The following BRD8 variants were observed in gnomAD, a reference collection of about 807,000 sequenced individuals.
BRD8 encodes the protein bromodomain containing 8, also known as bromodomain-containing protein 8.
In BRD8, 67 loss-of-function variants were observed where a neutral mutation model predicts 143.1. The observed-to-expected ratio is 0.47, with a 90% CI of 0.38 to 0.57. The LOEUF is 0.57. Ranked by LOEUF, BRD8 falls within the 20% of genes least tolerant of loss-of-function variation. The probability of loss-of-function intolerance (pLI) is 0.00; values close to 1 mark genes in which losing one functional copy is unlikely to be tolerated. For synonymous variants in BRD8, 505 were observed against 517.1 expected (o/e 0.98, Z 0.32); for missense variants, 1,103 against 1,503.0 (o/e 0.73, Z 4.40).
At chr5:138,174,089 C>T (rs1754110332) in intron 2 of BRD8, among the ~76,000 whole-genome samples, 1 of 152,074 alleles carries the variant, frequency 6.6e-6, no homozygotes, top group Admixed American at 6.5e-5. Flanking sequence ...ACATACTATC[C>T]TCCAGGCTCA....
chr5:138,172,810 C>T (rs1423935337), intron 2 of BRD8: 21 of 405,530 alleles, frequency 5.2e-5, no homozygotes, highest in African/African-American at 4.1e-4. Context: ...GCCCAAATCG[C>T]GCCACTGCAC....
intron 2 of BRD8, among the ~76,000 whole-genome samples, chr5:138,173,234 C>T (rs1754034022): frequency 6.6e-6 from 1 of 152,044 alleles, no homozygotes; most frequent in Admixed American, 6.5e-5. Flanking sequence ...CCCACCTCTA[C>T]TAAAAATACA....
rs183863771 is a variant in BRD8, at chr5:138,175,173, T to C, written c.116+2398A>G. On this transcript the variant is annotated intron_variant, in intron 2 of 26. Coordinates refer to ENST00000254900, the MANE Select transcript of BRD8 (RefSeq NM_139199.2). Reference sequence around the variant, plus strand: ...TGCTGGGATTACAGGCGTGAGCCACTGCGCCCGGCCTTAAACTTAAGTTTT... The same window carrying C: ...TGCTGGGATTACAGGCGTGAGCCACCGCGCCCGGCCTTAAACTTAAGTTTT... Among the ~76,000 whole-genome samples the C allele has an allele frequency of 3.7e-3, 566 of 152,312 alleles. 3 individuals carry two copies. The highest frequency in any genetic ancestry group is 0.013 in the African/African-American group (538 of 41,580).
intron 11 of BRD8, 45 bp downstream of exon 11, chr5:138,165,783 T>C: frequency 6.6e-7 from 1 of 1,506,894 alleles, no homozygotes; most frequent in Non-Finnish European, 9.0e-7. Context: ...AAGAGAAGCC[T>C]ATGTAGGACC....
chr5:138,163,451 C>T, intron 14 of BRD8, 107 bp from the exon 15 acceptor site: 1 of 1,400,166 alleles, frequency 7.1e-7, no homozygotes, highest in Non-Finnish European at 9.8e-7. Flanking sequence ...GAAATGACCT[C>T]ACGCTGTTTC....
intron 23 of BRD8, 67 bp from the exon 24 acceptor site, chr5:138,145,945 G>A (rs1039393575): frequency 1.6e-5 from 21 of 1,338,376 alleles, no homozygotes; most frequent in Non-Finnish European, 2.1e-5. Flanking sequence ...TCCCCCAGGT[G>A]GGTAATGAGG....
chr5:138,140,852 A>C lies in BRD8; in HGVS notation c.3468T>G (p.Asn1156Lys), dbSNP rs1326996892. 6.2e-7 allele frequency: 1 copy of C among 1,614,178 alleles called. No individual in the cohort carries two copies. Among genetic ancestry groups the C allele is most frequent in the South Asian group, 1.1e-5 (1 of 91,084 alleles). The change falls in exon 26 of 27, where the codon AAT becomes AAG. Residue 1156 changes from asparagine (N) to lysine (K), a missense_variant. Asn to Lys is a moderately conservative substitution (Grantham distance 94). Around this residue, in one of 7 missense-constraint regions of BRD8, gnomAD observed 369 missense variants for 445.5 expected, o/e 0.83. Transcript: ENST00000254900. The stretch of plus-strand genomic sequence containing the variant: ...TGGTGCGAATCCGACCCTTAGAGAG[A>C]TTTCTCTTCAGGCTAGTTAAGTCCA... ...RPMDLTSLKR[N>K]LSKGRIRTMA...
intron 14 of BRD8, 152 bp downstream of exon 14, chr5:138,163,935 T>A: frequency 2.2e-6 from 2 of 896,744 alleles, no homozygotes; most frequent in Admixed American, 4.1e-5. Flanking sequence ...AGTACTCCCA[T>A]TATGCCTGTC....
chr5:138,163,163 T>C lies in BRD8; in HGVS notation c.2054A>G (p.Asp685Gly). The C allele has an allele frequency of 6.2e-7, 1 of 1,613,874 alleles. No individual in the cohort carries two copies. ...AGAAGCAGGGCTGCTGGGGATGGAG[T>C]CTGCCAGTGTGTGTGACTGCAGTGT... ...NATLQSHTLA[D>G]SIPSSPASSQ... The change falls in exon 15 of 27, where the codon GAC becomes GGC. Residue 685 changes from aspartate to glycine, a missense_variant. Physicochemically the swap from Asp to Gly is moderately conservative, Grantham distance 94 (BLOSUM62 -1). Transcript: ENST00000254900.
chr5:138,177,044 A>AC (rs1200465405), intron 2 of BRD8: 1 of 149,864 alleles, frequency 6.7e-6, no homozygotes, highest in Non-Finnish European at 1.5e-5. Flanking sequence ...CCAAGATCAC[A>AC]CCACTGCCCT....
chr5:138,151,885 C>T lies in BRD8; in HGVS notation c.2856+597G>A, dbSNP rs926120269. Among the ~76,000 whole-genome samples the T allele has an allele frequency of 1.3e-4, 20 of 151,604 alleles. 1 individual carries two copies. In the East Asian group the frequency reaches 1.5e-3, roughly 12 times the overall value. Reference sequence around the variant, plus strand: ...ATTTATTTATTTAGAGACAGAGTTTCGCTCTGTCGCCCAGGCTGGAGTGCA... The same window carrying T: ...ATTTATTTATTTAGAGACAGAGTTTTGCTCTGTCGCCCAGGCTGGAGTGCA... On this transcript the variant is annotated intron_variant, in intron 21 of 26. Coordinates refer to ENST00000254900, the MANE Select transcript of BRD8 (RefSeq NM_139199.2).
intron 23 of BRD8, among the ~76,000 whole-genome samples, chr5:138,149,388 G>A (rs1752290490): frequency 6.6e-6 from 1 of 152,046 alleles, no homozygotes; most frequent in Admixed American, 6.6e-5. Context: ...CAAAGTGCTG[G>A]AATTACAGGT....
intron 6 of BRD8, 87 bp downstream of exon 6, chr5:138,170,745 G>A (rs13155519): frequency 0.41 from 505,010 of 1,229,748 alleles, 105,317 homozygotes; most frequent in East Asian, 0.56. Flanking sequence ...CTAAAGGGAC[G>A]GCAATTGGAG....
intron 18 of BRD8, 108 bp from the exon 19 acceptor site, chr5:138,160,281 C>G: frequency 1.3e-6 from 1 of 745,304 alleles, no homozygotes; most frequent in African/African-American, 1.8e-5. Flanking sequence ...TCTTCTGGCT[C>G]AAATATATTT....
At chr5:138,147,716 G>T (rs578020677) in intron 23 of BRD8, among the ~76,000 whole-genome samples, 6 of 152,102 alleles carry the variant, frequency 3.9e-5, no homozygotes, top group Admixed American at 1.3e-4. Flanking sequence ...GCAGGGGATC[G>T]CTTGAGTCCA....
intron 23 of BRD8, 65 bp from the exon 24 acceptor site, chr5:138,145,943 G>A: frequency 1.4e-6 from 2 of 1,386,142 alleles, no homozygotes; most frequent in South Asian, 1.2e-5. Flanking sequence ...TCTCCCCCAG[G>A]TGGGTAATGA....
Position 138,165,097 on chromosome 5 carries a change from C to A in BRD8, c.1348G>T (p.Asp450Tyr), listed in dbSNP as rs1753295756. The change falls in exon 12 of 27, where the codon GAT becomes TAT. Residue 450 changes from aspartate (D) to tyrosine (Y), a missense_variant. Around this residue, in one of 7 missense-constraint regions of BRD8, gnomAD observed 53 missense variants for 101.4 expected, o/e 0.52. Transcript: ENST00000254900. ...EAALSFCEEN[D>Y]DPQSLPGPWE... ...GGGCCAGGCAGGGACTGAGGATCAT[C>A]ATTTTCTTCACAAAATGACAGTGCT... 1 of 1,614,040 alleles carries A rather than the reference C, an allele frequency of 6.2e-7. No individual in the cohort carries two copies. Among genetic ancestry groups the A allele is most frequent in the South Asian group, 1.1e-5 (1 of 91,084 alleles).
At chr5:138,177,550 C>A (rs771218481) in intron 2 of BRD8, 21 bp downstream of exon 2, 1 of 1,501,098 alleles carries the variant, frequency 6.7e-7, no homozygotes, top group Non-Finnish European at 9.3e-7. Flanking sequence ...CCCAGAAAAG[C>A]TGACATCCTA....
At chr5:138,167,394 C>T (rs1581444169) in intron 9 of BRD8, among the ~76,000 whole-genome samples, 1 of 152,070 alleles carries the variant, frequency 6.6e-6, no homozygotes, top group East Asian at 1.9e-4. Flanking sequence ...TATTGTAAAC[C>T]ACCCAAGTTC....
Sources: allele counts gnomAD v4.1 joint callset (sites outside exome capture counted in the v4.1 genomes callset), GRCh38; gene constraint gnomAD v4.1.1; regional missense constraint gnomAD v4.1.1; transcripts MANE v1.5; gene names NCBI Gene and HGNC (gene_info 2026-07-23, HGNC 2026-07-21).